Variants in LEPR observed in about 807,000 individuals in gnomAD.
The protein encoded by LEPR is leptin receptor.
In LEPR, 56 loss-of-function variants were observed where a neutral mutation model predicts 114.7. That is an observed-to-expected ratio of 0.49 (90% CI 0.39 to 0.61). The LOEUF (loss-of-function observed/expected upper bound fraction) is 0.61, where lower values mean the gene tolerates loss of function less well. Ranked by LOEUF, LEPR falls within the 20% of genes least tolerant of loss-of-function variation. LEPR has a pLI of 0.00. For synonymous variants in LEPR, 443 were observed against 461.4 expected, an observed-to-expected ratio of 0.96 and a Z score of 0.51; for missense variants, 1,202 against 1,352.9, an observed-to-expected ratio of 0.89 and a Z score of 1.75.
At chr1:65,431,752 A>T in intron 2 of LEPR, 1 of 1,565,518 alleles carries the variant, frequency 6.4e-7, no homozygotes, top group Non-Finnish European at 8.7e-7. Flanking sequence ...GATTGCAAAG[A>T]GTACAATATG....
chr1:65,435,970 G>T (rs1403955167), intron 2 of LEPR: 1 of 984,910 alleles, frequency 1.0e-6, no homozygotes, highest in African/African-American at 1.7e-5. Flanking sequence ...GTGAGAGGAC[G>T]ATTACTTTGT....
chr1:65,455,317 T>G (rs1026815894), intron 2 of LEPR, among the ~76,000 whole-genome samples: 1 of 152,256 alleles, frequency 6.6e-6, no homozygotes, highest in African/African-American at 2.4e-5. Flanking sequence ...TTTGTTCCGT[T>G]GCTGGTGAAG....
intron 2 of LEPR, among the ~76,000 whole-genome samples, chr1:65,454,445 G>A (rs189655442): frequency 8.6e-5 from 13 of 151,816 alleles, no homozygotes; most frequent in Admixed American, 7.2e-4. Context: ...CATGTTTAGC[G>A]CTTTCTTCAG....
intron 14 of LEPR, among the ~76,000 whole-genome samples, chr1:65,615,301 A>G (rs1373309947): frequency 4.6e-5 from 7 of 152,168 alleles, no homozygotes; most frequent in African/African-American, 1.7e-4. Context: ...GGTGAAGTTG[A>G]TTGGGGAAAT....
intron 19 of LEPR, among the ~76,000 whole-genome samples, chr1:65,626,742 C>T (rs1400974030): frequency 6.6e-6 from 1 of 152,080 alleles, no homozygotes; most frequent in Non-Finnish European, 1.5e-5. Context: ...TCCTTGGGCT[C>T]AACTGATCCT....
chr1:65,529,963 T>G (rs888077412), intron 2 of LEPR, among the ~76,000 whole-genome samples: 3 of 152,210 alleles, frequency 2.0e-5, no homozygotes, highest in African/African-American at 7.2e-5. Flanking sequence ...GATGATTTCA[T>G]GCAATCTCTC....
chr1:65,573,635 G>A (rs1335861361), intron 5 of LEPR, among the ~76,000 whole-genome samples: 1 of 151,960 alleles, frequency 6.6e-6, no homozygotes, highest in Non-Finnish European at 1.5e-5. Context: ...TCTATTTGAT[G>A]CTTAAAGTCT....
intron 2 of LEPR, among the ~76,000 whole-genome samples, chr1:65,504,651 G>A (rs1410223677): frequency 6.6e-6 from 1 of 152,128 alleles, no homozygotes; most frequent in East Asian, 1.9e-4. Flanking sequence ...AGCAGTCTAC[G>A]GTGGCATGCG....
In LEPR at chr1:65,633,665, T is replaced by C. The variant is rs989183988; in HGVS notation, c.2674-2526T>C. 3.0e-6 allele frequency: 3 copies of C among 986,088 alleles called. No individual in the cohort carries two copies. The highest frequency in any genetic ancestry group is 3.5e-5 in the African/African-American group (2 of 57,256). 61.1% of individuals were successfully genotyped at this position (986,088 alleles called of 1,614,324 possible). A position where few individuals can be genotyped will look rare whatever the true frequency, so the allele number is the denominator to read the frequency against. On this transcript the variant is annotated intron_variant, in intron 19 of 19. Transcript: ENST00000349533. The surrounding 1 kb of genome is among the most constrained non-coding windows in gnomAD (Gnocchi z 4.1). Reference sequence around the variant, plus strand: ...TTTTTATGTCCAAACTTTTCCATTTTAGATTCCTTTATAGACACGTCAGCC... The same window carrying C: ...TTTTTATGTCCAAACTTTTCCATTTCAGATTCCTTTATAGACACGTCAGCC...
intron 2 of LEPR, chr1:65,432,566 T>TA (rs36067009): frequency 0.15 from 132,424 of 871,912 alleles, 1,991 homozygotes; most frequent in South Asian, 0.21. Flanking sequence ...CTCATTTGTT[T>TA]AAAAAAAAAA....
At chr1:65,591,787 G>T (rs907078009) in intron 5 of LEPR, among the ~76,000 whole-genome samples, 1 of 151,782 alleles carries the variant, frequency 6.6e-6, no homozygotes, top group Admixed American at 6.6e-5. Flanking sequence ...CCTTCTAAAT[G>T]GGATGTTAAG....
intron 2 of LEPR, among the ~76,000 whole-genome samples, chr1:65,509,070 T>C (rs986234542): frequency 1.1e-4 from 17 of 152,098 alleles, no homozygotes; most frequent in Non-Finnish European, 1.9e-4. Context: ...AGTTTATGAG[T>C]TTTATTAATT....
intron 2 of LEPR, among the ~76,000 whole-genome samples, chr1:65,487,328 T>C (rs906703736): frequency 6.6e-6 from 1 of 152,174 alleles, no homozygotes; most frequent in Admixed American, 6.6e-5. Flanking sequence ...TCGTAAGCTC[T>C]GAATGTGGGC....
rs12067936 is a variant in LEPR, at chr1:65,623,018, C to T, written c.2673+37C>T. On this transcript the variant is annotated intron_variant, in intron 19 of 19. Coordinates refer to ENST00000349533, the MANE Select transcript of LEPR (RefSeq NM_002303.6). Reference sequence around the variant, plus strand: ...AATTTTTTTTAACCCAGAATATATACGATTGCAATCTAGACGCCATATGAC... The same window carrying T: ...AATTTTTTTTAACCCAGAATATATATGATTGCAATCTAGACGCCATATGAC... 40 of 1,593,912 alleles carry T rather than the reference C, an allele frequency of 2.5e-5. 2 individuals are homozygous for T. The East Asian group carries it at 4.5e-4, about 18-fold the overall frequency.
chr1:65,584,059 A>C (rs949010142), intron 5 of LEPR, among the ~76,000 whole-genome samples: 1 of 152,124 alleles, frequency 6.6e-6, no homozygotes, highest in Non-Finnish European at 1.5e-5. Flanking sequence ...TAAGGGGTGC[A>C]CTTTTCATTC....
At chr1:65,545,058 T>C (rs1338433024) in intron 2 of LEPR, among the ~76,000 whole-genome samples, 1 of 150,870 alleles carries the variant, frequency 6.6e-6, no homozygotes, top group Non-Finnish European at 1.5e-5. Context: ...TATGCGGTGT[T>C]TGGTTTTTTG....
At chr1:65,520,838 A>G (rs1292840667) in intron 2 of LEPR, among the ~76,000 whole-genome samples, 1 of 152,264 alleles carries the variant, frequency 6.6e-6, no homozygotes, top group Non-Finnish European at 1.5e-5. Flanking sequence ...TGGGCTAGTT[A>G]TCTGCAGCAT....
intron 2 of LEPR, among the ~76,000 whole-genome samples, chr1:65,521,319 T>G (rs1018917486): frequency 1.3e-5 from 2 of 152,258 alleles, no homozygotes; most frequent in African/African-American, 4.8e-5. Context: ...TAAGGCCTTT[T>G]GTCTGATCGA....
At chr1:65,447,727 T>C (rs1646731860) in intron 2 of LEPR, among the ~76,000 whole-genome samples, 3 of 151,936 alleles carry the variant, frequency 2.0e-5, no homozygotes, top group East Asian at 1.9e-4. Flanking sequence ...TTTGCAGATA[T>C]GGGTTTTTGC....
Sources: allele counts gnomAD v4.1 joint callset (sites outside exome capture counted in the v4.1 genomes callset), GRCh38; gene constraint gnomAD v4.1.1; non-coding constraint Gnocchi (gnomAD v3.1); transcripts MANE v1.5; gene names NCBI Gene and HGNC (gene_info 2026-07-23, HGNC 2026-07-21).